APC: variants seen among roughly 807,000 people sequenced by gnomAD.
The protein encoded by APC is APC regulator of Wnt signaling pathway.
APC carries 72 observed loss-of-function variants against 247.0 expected under a neutral mutation model. That is an observed-to-expected ratio of 0.29 (90% CI 0.24 to 0.35). The LOEUF (loss-of-function observed/expected upper bound fraction) is 0.35, where lower values mean the gene tolerates loss of function less well. Ranked by LOEUF, APC falls within the 10% of genes least tolerant of loss-of-function variation. APC has a pLI of 1.00. For missense variants in APC, 3,400 were observed against 3,360.7 expected (o/e 1.01, Z -0.29); for synonymous variants, 1,254 against 1,162.5 (o/e 1.08, Z -1.60).
At chr5:112,747,261 A>G (rs1419888352) in intron 1 of APC, among the ~76,000 whole-genome samples, 2 of 152,216 alleles carry the variant, frequency 1.3e-5, no homozygotes, top group East Asian at 3.8e-4. Context: ...ACCCTGGAAA[A>G]TTTGATTGCA....
At chr5:112,711,607 C>A (rs1321618846) in intron 1 of APC, among the ~76,000 whole-genome samples, 1 of 152,130 alleles carries the variant, frequency 6.6e-6, no homozygotes, top group Admixed American at 6.5e-5. Flanking sequence ...GTAATCCCAG[C>A]AGTTTTGGAA....
chr5:112,712,768 C>A (rs896630454), intron 1 of APC, among the ~76,000 whole-genome samples: 5 of 152,218 alleles, frequency 3.3e-5, no homozygotes, highest in Admixed American at 2.6e-4. Flanking sequence ...GTCTTGAAAT[C>A]TTTCAGAAAT....
chr5:112,741,215 G>A (rs1311274541), intron 1 of APC, among the ~76,000 whole-genome samples: 1 of 152,118 alleles, frequency 6.6e-6, no homozygotes, highest in Non-Finnish European at 1.5e-5. Flanking sequence ...TTCATTACAA[G>A]TTAAACACTG....
Position 112,841,245 on chromosome 5 carries a change from C to G in APC, c.5651C>G (p.Ala1884Gly), listed in dbSNP as rs1554086850. Residue 1884 changes from alanine to glycine, a missense_variant, in exon 16 of 16, where the codon GCA (alanine) becomes GGA (glycine). Ala to Gly is a moderately conservative substitution (Grantham distance 60). Transcript: ENST00000257430. This position sits in a 1 kb window ranked among gnomAD's most constrained non-coding sequence, Gnocchi z 4.6. ...LSREKAELRKAKENKESEAKV... is the reference protein window; with the variant it reads ...LSREKAELRKGKENKESEAKV... Reference sequence around the variant, plus strand: ...AGGGAAAAGGCTGAATTAAGAAAGGCAAAAGAAAATAAGGAATCAGAGGCT... The same window carrying G: ...AGGGAAAAGGCTGAATTAAGAAAGGGAAAAGAAAATAAGGAATCAGAGGCT... 1 of 1,613,500 alleles carries G rather than the reference C, an allele frequency of 6.2e-7. No individual in the cohort carries two copies. Among genetic ancestry groups the G allele is most frequent in the Non-Finnish European group, 8.5e-7 (1 of 1,179,638 alleles).
chr5:112,818,855 G>GGGTGT, intron 9 of APC, 111 bp from the exon 10 acceptor site: 1 of 1,118,296 alleles, frequency 8.9e-7, no homozygotes, highest in Non-Finnish European at 1.3e-6. Flanking sequence ...GGCGGGGGGG[G>GGGTGT]TTGTTTTGTT....
At chr5:112,813,450 A>C (rs1307311118) in intron 8 of APC, among the ~76,000 whole-genome samples, 1 of 152,198 alleles carries the variant, frequency 6.6e-6, no homozygotes, top group Non-Finnish European at 1.5e-5. Context: ...AATTTGAACA[A>C]GGAATTTATT....
chr5:112,738,837 T>C (rs559652265), intron 1 of APC, among the ~76,000 whole-genome samples: 1 of 152,384 alleles, frequency 6.6e-6, no homozygotes, highest in African/African-American at 2.4e-5. Context: ...TTGGACACTT[T>C]GATTCTACAT....
At chr5:112,719,687 A>G (rs929117321) in intron 1 of APC, among the ~76,000 whole-genome samples, 2 of 151,906 alleles carry the variant, frequency 1.3e-5, no homozygotes, top group African/African-American at 4.8e-5. Flanking sequence ...GGTGCGCACC[A>G]TCACACCCGG....
At chr5:112,784,112 G>C (rs183240765) in intron 6 of APC, among the ~76,000 whole-genome samples, 2 of 152,178 alleles carry the variant, frequency 1.3e-5, no homozygotes, top group East Asian at 3.9e-4. Flanking sequence ...CTGTCACACA[G>C]GCTGGAGTGC....
chr5:112,809,680 T>A (rs1189415847), intron 8 of APC, among the ~76,000 whole-genome samples: 2 of 147,844 alleles, frequency 1.4e-5, no homozygotes, highest in Non-Finnish European at 3.0e-5. Flanking sequence ...TATATTGGAG[T>A]GAGTTGAAGT....
At chr5:112,813,357 A>G (rs925128453) in intron 8 of APC, among the ~76,000 whole-genome samples, 2 of 152,228 alleles carry the variant, frequency 1.3e-5, no homozygotes, top group African/African-American at 2.4e-5. Context: ...AACATGACTT[A>G]TACAGAAGTT....
intron 5 of APC, 114 bp downstream of exon 5, chr5:112,775,851 C>A: frequency 1.6e-6 from 1 of 625,316 alleles, no homozygotes; most frequent in Non-Finnish European, 2.8e-6. Context: ...TTGTAAATTG[C>A]AATATGTTTT....
chr5:112,773,263 A>G (rs1475919273), intron 4 of APC, among the ~76,000 whole-genome samples: 2 of 152,150 alleles, frequency 1.3e-5, no homozygotes, highest in Non-Finnish European at 2.9e-5. Flanking sequence ...TCATTCCCAT[A>G]TTTCCTAAGA....
intron 9 of APC, among the ~76,000 whole-genome samples, chr5:112,816,411 A>G (rs938955236): frequency 6.6e-6 from 1 of 152,218 alleles, no homozygotes; most frequent in African/African-American, 2.4e-5. Context: ...GTTGAGTGTT[A>G]TTTCATGCTG....
At chr5:112,728,638 GTGT>G (rs555883663) in intron 1 of APC, among the ~76,000 whole-genome samples, 76 of 105,024 alleles carry the variant, frequency 7.2e-4, no homozygotes, top group African/African-American at 2.4e-3. Context: ...AGAGGTGATT[GTGT>G]TTTTTTTTTG....
In APC at chr5:112,839,475, A is replaced by C. The variant is rs1561588178; in HGVS notation, c.3881A>C (p.Gln1294Pro). The C allele has an allele frequency of 1.2e-6, 2 of 1,614,232 alleles. No individual in the cohort carries two copies. The highest frequency in any genetic ancestry group is 4.5e-5 in the East Asian group (2 of 44,892). ...EDEIGCNQTT[Q>P]EADSANTLQI... ...GAAATAGGATGTAATCAGACGACACAGGAAGCAGATTCTGCTAATACCCTG... is the reference window on the plus strand; with the variant it reads ...GAAATAGGATGTAATCAGACGACACCGGAAGCAGATTCTGCTAATACCCTG... Residue 1294 changes from glutamine (Q) to proline (P), a missense_variant, in exon 16 of 16, where the codon CAG becomes CCG. Gln to Pro is a moderately conservative substitution (Grantham distance 76, BLOSUM62 -1). Transcript: ENST00000257430. This position sits in a 1 kb window ranked among gnomAD's most constrained non-coding sequence, Gnocchi z 5.0.
At chr5:112,834,833 G>A in intron 14 of APC, 118 bp from the exon 15 acceptor site, 1 of 875,818 alleles carries the variant, frequency 1.1e-6, no homozygotes, top group Non-Finnish European at 1.9e-6. Flanking sequence ...ATTTACCAGT[G>A]AGGGACGGGC....
At chr5:112,798,736 A>G (rs1336941418) in intron 7 of APC, among the ~76,000 whole-genome samples, 1 of 152,240 alleles carries the variant, frequency 6.6e-6, no homozygotes, top group Non-Finnish European at 1.5e-5. Flanking sequence ...CAGTGAAAGA[A>G]TAAAAAAAAG....
At position 112,815,094 on chromosome 5, in the gene APC, C is replaced by T. The variant is rs546604211; in HGVS notation, c.835-401C>T. Among the ~76,000 whole-genome samples, 14 of 152,268 alleles carry T rather than the reference C, an allele frequency of 9.2e-5. No individual in the cohort carries two copies. The South Asian group carries it at 1.9e-3, about 20-fold the overall frequency. On this transcript the variant is annotated intron_variant, in intron 8 of 15. Transcript: ENST00000257430. ...TTCTAAACTGTGAGATCTTAGAGAA[C>T]TTGGACTGTAGCAAATTCATACTTA...
Sources: allele counts gnomAD v4.1 joint callset (sites outside exome capture counted in the v4.1 genomes callset), GRCh38; gene constraint gnomAD v4.1.1; non-coding constraint Gnocchi (gnomAD v3.1); transcripts MANE v1.5; gene names NCBI Gene and HGNC (gene_info 2026-07-23, HGNC 2026-07-21).